The following DGKB variants were observed in gnomAD, a reference collection of about 807,000 sequenced individuals.
The protein encoded by DGKB is diacylglycerol kinase beta.
A neutral mutation model predicts 114.3 loss-of-function variants in DGKB; 67 were observed. That is an observed-to-expected ratio of 0.59 (90% confidence interval 0.48 to 0.72). The LOEUF (loss-of-function observed/expected upper bound fraction) is 0.72. DGKB is among the 30% of genes least tolerant of loss of function. The pLI is 0.00. For synonymous variants in DGKB, 398 were observed against 323.1 expected (o/e 1.23, Z -2.49); for missense variants, 907 against 975.2 (o/e 0.93, Z 0.93).
chr7:14,448,234 A>G (rs1006951473), intron 21 of DGKB, among the ~76,000 whole-genome samples: 1 of 152,138 alleles, frequency 6.6e-6, no homozygotes, highest in Admixed American at 6.6e-5. Context: ...CATTTGGAAG[A>G]GAAAGATACT....
chr7:14,727,849 C>A (rs2128377279), intron 5 of DGKB, among the ~76,000 whole-genome samples: 1 of 152,262 alleles, frequency 6.6e-6, no homozygotes, highest in South Asian at 2.1e-4. Context: ...TCAAGACAGT[C>A]CTAATAAGAG....
At chr7:14,351,407 G>C (rs1027589072) in intron 21 of DGKB, among the ~76,000 whole-genome samples, 8 of 152,184 alleles carry the variant, frequency 5.3e-5, no homozygotes, top group Non-Finnish European at 8.8e-5. Flanking sequence ...ATGTTGGCAG[G>C]GCACAGGGAG....
At chr7:14,543,434 C>T (rs1437562736) in intron 20 of DGKB, among the ~76,000 whole-genome samples, 1 of 151,602 alleles carries the variant, frequency 6.6e-6, no homozygotes, top group Admixed American at 6.6e-5. Flanking sequence ...GACAGAGTGA[C>T]ACCCCATCTC....
At chr7:14,578,017 C>T (rs1034849488) in intron 19 of DGKB, among the ~76,000 whole-genome samples, 28 of 152,274 alleles carry the variant, frequency 1.8e-4, no homozygotes, top group South Asian at 8.3e-4. Flanking sequence ...ATAATCCCCA[C>T]GTGTCAAGGG....
At chr7:14,149,782 A>T (rs1036272812) in intron 25 of DGKB, among the ~76,000 whole-genome samples, 4 of 152,182 alleles carry the variant, frequency 2.6e-5, no homozygotes, top group African/African-American at 9.6e-5. Context: ...GTTAACATGC[A>T]TAAAAGGTCA....
At chr7:14,190,074 T>G (rs1380831862) in intron 23 of DGKB, among the ~76,000 whole-genome samples, 2 of 152,154 alleles carry the variant, frequency 1.3e-5, no homozygotes, top group Non-Finnish European at 2.9e-5. Flanking sequence ...ACAGAACATT[T>G]CATCCAACAG....
In DGKB at chr7:14,716,542, G is replaced by A. The variant is rs557997520; in HGVS notation, c.466+2000C>T. 1.6e-4 allele frequency among the ~76,000 whole-genome samples: 25 copies of A among 152,220 alleles called. No individual in the cohort carries two copies. The South Asian group carries it at 1.7e-3, about 10-fold the overall frequency. On this transcript the variant is annotated intron_variant, in intron 6 of 25. Transcript: ENST00000402815. ...TTTAGTAAATTGTAATCCTTTTGGA[G>A]TATTTATTAAACTAACAATCAACAC...
chr7:14,901,898 G>T (rs2128238786), intron 1 of DGKB, among the ~76,000 whole-genome samples: 1 of 152,150 alleles, frequency 6.6e-6, no homozygotes, highest in African/African-American at 2.4e-5. Context: ...AATGCTGCTT[G>T]GTTTCTAAGT....
chr7:14,777,159 G>A (rs1423057169), intron 2 of DGKB, among the ~76,000 whole-genome samples: 2 of 152,094 alleles, frequency 1.3e-5, no homozygotes, highest in Non-Finnish European at 2.9e-5. Flanking sequence ...TTTACCCAAT[G>A]CCTGTACCCC....
chr7:14,912,478 G>T (rs1395011093), intron 1 of DGKB, among the ~76,000 whole-genome samples: 2 of 152,130 alleles, frequency 1.3e-5, no homozygotes, highest in African/African-American at 4.8e-5. Context: ...TAATTTATCT[G>T]ATAGTAATAG....
chr7:14,530,870 C>T (rs140766875), intron 20 of DGKB, among the ~76,000 whole-genome samples: 258 of 151,514 alleles, frequency 1.7e-3, no homozygotes, highest in Middle Eastern at 6.8e-3. Flanking sequence ...CTTTATTTCC[C>T]GGTTCATTTT....
At chr7:14,524,896 C>G (rs1261158758) in intron 20 of DGKB, among the ~76,000 whole-genome samples, 2 of 151,800 alleles carry the variant, frequency 1.3e-5, no homozygotes, top group East Asian at 3.8e-4. Context: ...ATAAAAAGCC[C>G]CATCACTGAA....
intron 25 of DGKB, among the ~76,000 whole-genome samples, chr7:14,167,981 T>A (rs1294307645): frequency 6.6e-6 from 1 of 152,172 alleles, no homozygotes; most frequent in Non-Finnish European, 1.5e-5. Flanking sequence ...TAGCCAATGA[T>A]GCAAACCCTG....
chr7:14,829,521 T>C (rs1586777610), intron 2 of DGKB, among the ~76,000 whole-genome samples: 1 of 152,142 alleles, frequency 6.6e-6, no homozygotes, highest in Admixed American at 6.6e-5. Context: ...TTGCGAAATG[T>C]AGACTCAGGA....
intron 5 of DGKB, among the ~76,000 whole-genome samples, chr7:14,729,123 C>CTTTTTTTTTTT (rs1162368398): frequency 2.1e-4 from 24 of 113,406 alleles, no homozygotes; most frequent in South Asian, 8.4e-4. Context: ...CATTTTCTTT[C>CTTTTTTTTTTT]TTTTTTTTTT....
chr7:14,861,161 C>G (rs1215516623), intron 1 of DGKB, among the ~76,000 whole-genome samples: 1 of 151,900 alleles, frequency 6.6e-6, no homozygotes, highest in Admixed American at 6.6e-5. Context: ...GACCACCATA[C>G]TTGGTATATA....
chr7:14,645,051 C>A (rs1181696913), intron 13 of DGKB, among the ~76,000 whole-genome samples: 1 of 151,966 alleles, frequency 6.6e-6, no homozygotes, highest in Non-Finnish European at 1.5e-5. Flanking sequence ...CTCACCCACT[C>A]AGTCTTGATT....
chr7:14,421,230 C>A (rs369789016), intron 21 of DGKB, among the ~76,000 whole-genome samples: 43 of 152,160 alleles, frequency 2.8e-4, no homozygotes, highest in African/African-American at 9.9e-4. Context: ...CTTAATAAAT[C>A]TATGTTTCTG....
intron 1 of DGKB, among the ~76,000 whole-genome samples, chr7:14,919,618 A>T (rs1333974362): frequency 1.3e-5 from 2 of 152,208 alleles, no homozygotes; most frequent in African/African-American, 4.8e-5. Context: ...TTTTCAACAG[A>T]CAAAAAGATA....
Sources: gnomAD v4.1 joint callset for allele counts (sites outside exome capture counted in the v4.1 genomes callset) on GRCh38, gnomAD v4.1.1 for gene constraint, MANE v1.5 for transcripts, NCBI Gene and HGNC (gene_info 2026-07-23, HGNC 2026-07-21) for gene names.